The following TNFRSF9 variants were observed in gnomAD, a reference collection of about 807,000 sequenced individuals.
TNFRSF9 encodes TNF receptor superfamily member 9.
Under a neutral mutation model 28.8 loss-of-function variants are expected in TNFRSF9, and 16 were observed. That is an observed-to-expected ratio of 0.55 (90% CI 0.38 to 0.84). TNFRSF9 has a LOEUF of 0.84. Ranked by LOEUF, TNFRSF9 falls within the 40% of genes least tolerant of loss-of-function variation. The pLI, the probability that TNFRSF9 is intolerant of heterozygous loss-of-function variation, is 0.00. For synonymous variants in TNFRSF9, 131 were observed against 117.0 expected, an observed-to-expected ratio of 1.12 and a Z score of -0.77; for missense variants, 303 against 315.0, an observed-to-expected ratio of 0.96 and a Z score of 0.29.
At position 7,938,892 on chromosome 1, in the gene TNFRSF9, G is replaced by A. The variant is rs190727249; in HGVS notation, c.101-64C>T. ...GGGCAATCGTCACCCAAGGCATTCC[G>A]AAGTTTACAATAAAATAAGATTATA... On this transcript the variant is annotated intron_variant, in intron 2 of 7. Coordinates refer to ENST00000377507, the MANE Select transcript of TNFRSF9 (RefSeq NM_001561.6). 2.2e-5 allele frequency: 26 copies of A among 1,158,942 alleles called. No individual in the cohort carries two copies. In the East Asian group the frequency reaches 2.9e-4, roughly 13 times the overall value. 71.8% of individuals were successfully genotyped at this position (1,158,942 alleles called of 1,614,324 possible).
intron 6 of TNFRSF9, among the ~76,000 whole-genome samples, 192 bp downstream of exon 6, chr1:7,934,821 G>A (rs935362684): frequency 5.3e-5 from 8 of 152,196 alleles, no homozygotes; most frequent in African/African-American, 1.2e-4. Flanking sequence ...CTCTGGCACC[G>A]CTTACAAATG....
At chr1:7,936,618 C>A (rs755834410) in intron 5 of TNFRSF9, 3 of 152,168 alleles carry the variant, frequency 2.0e-5, no homozygotes, top group Non-Finnish European at 4.4e-5. Flanking sequence ...TGTTTCAAAA[C>A]ACTTTATTTT....
Position 7,938,758 on chromosome 1 carries a change from A to T in TNFRSF9, c.171T>A (p.Gly57=), listed in dbSNP as rs990004304. Reference sequence around the variant, plus strand: ...TGCATATGTCACAGGTCCTTTGTCCACCTGCGCTGGAGAAACTATTTGGAG... The same window carrying T: ...TGCATATGTCACAGGTCCTTTGTCCTCCTGCGCTGGAGAAACTATTTGGAG... The part of the protein sequence containing the change: ...PCPPNSFSSA[G]GQRTCDICRQ... Residue 57 remains glycine, a synonymous_variant, in exon 3 of 8, where the codon GGT becomes GGA. Coordinates refer to ENST00000377507, the MANE Select transcript of TNFRSF9 (RefSeq NM_001561.6). The T allele has an allele frequency of 6.2e-7, 1 of 1,613,702 alleles. No individual in the cohort carries two copies. Among genetic ancestry groups the T allele is most frequent in the East Asian group, 2.2e-5 (1 of 44,872 alleles).
At chr1:7,924,327 AT>A (rs1178967920) in intron 7 of TNFRSF9, among the ~76,000 whole-genome samples, 4 of 114,930 alleles carry the variant, frequency 3.5e-5, no homozygotes, top group African/African-American at 7.1e-5. Context: ...ATATATATAT[AT>A]ATATATAACC....
intron 3 of TNFRSF9, 43 bp downstream of exon 3, chr1:7,938,677 TC>T (rs1639856865): frequency 6.8e-7 from 1 of 1,474,500 alleles, no homozygotes; most frequent in African/African-American, 1.4e-5. Context: ...AAGCTTATCT[TC>T]CCAACTATCT....
chr1:7,940,519 A>G (rs1363436487), intron 1 of TNFRSF9, among the ~76,000 whole-genome samples: 1 of 152,174 alleles, frequency 6.6e-6, no homozygotes, highest in Admixed American at 6.5e-5. Flanking sequence ...TGAACACCTA[A>G]CTACTAACAT....
At position 7,937,711 on chromosome 1, in the gene TNFRSF9, C is replaced by T; in HGVS notation, c.392G>A (p.Gly131Asp). 6.2e-7 allele frequency: 1 copy of T among 1,613,686 alleles called. No homozygotes were observed. The change falls in exon 5 of 8, where the codon GGC becomes GAC. Residue 131 changes from glycine (G) to aspartate (D), a missense_variant. Transcript: ENST00000377507. The stretch of plus-strand genomic sequence containing the variant: ...GTACTTTGTCCAGGGTCGACAGATG[C>T]CACGTTTCTGATCGTTAAATGTCCC... ...CFGTFNDQKR[G>D]ICRPWTNCSL...
At position 7,920,705 on chromosome 1, in the gene TNFRSF9, G is replaced by T. The variant is rs1639543923; in HGVS notation, c.*130C>A. On this transcript the variant is annotated 3_prime_UTR_variant, in exon 8 of 8. Transcript: ENST00000377507. Reference sequence around the variant, plus strand: ...GGCCAACTCATTGGCATTTAGAAAAGAACGTGTGTTGGGGGAATCCTGGGT... The same window carrying T: ...GGCCAACTCATTGGCATTTAGAAAATAACGTGTGTTGGGGGAATCCTGGGT... 7.0e-6 allele frequency: 5 copies of T among 717,286 alleles called. No individual in the cohort carries two copies. The highest frequency in any genetic ancestry group is 3.6e-5 in the South Asian group (2 of 56,132). The allele number at this position is 717,286 out of a possible 1,614,324, so 44.4% of individuals were successfully genotyped here. A position where few individuals can be genotyped will look rare whatever the true frequency, so the allele number is the denominator to read the frequency against.
In TNFRSF9 at chr1:7,916,463, C is replaced by T. The variant is rs1343997582; in HGVS notation, c.*4372G>A. On this transcript the variant is annotated 3_prime_UTR_variant, in exon 8 of 8. Coordinates refer to ENST00000377507, the MANE Select transcript of TNFRSF9 (RefSeq NM_001561.6). ...CTGTATCATAAACATAGCCTCCTTT[C>T]TTCACAGAATAAACTGTGGATTTTC... 1 of 152,218 alleles carries T rather than the reference C, an allele frequency of 6.6e-6. No homozygotes were observed. Among genetic ancestry groups the T allele is most frequent in the Non-Finnish European group, 1.5e-5 (1 of 68,046 alleles). The allele number at this position is 152,218 out of a possible 1,614,324, so 9.4% of individuals were successfully genotyped here.
At chr1:7,922,049 C>G (rs1015777499) in intron 7 of TNFRSF9, 2 of 152,156 alleles carry the variant, frequency 1.3e-5, no homozygotes, top group Non-Finnish European at 2.9e-5. Flanking sequence ...CCGATCTGTG[C>G]GTGAGCTGCC....
intron 7 of TNFRSF9, among the ~76,000 whole-genome samples, chr1:7,931,048 A>G (rs1299531311): frequency 6.6e-6 from 1 of 152,230 alleles, no homozygotes; most frequent in East Asian, 1.9e-4. Context: ...ACTAGCAACC[A>G]GGAAGTGTAA....
Position 7,933,158 on chromosome 1 carries a change from T to A in TNFRSF9, c.679+4A>T, listed in dbSNP as rs1163034174. ...GAGCTGTAATATGATTATGTTAATC[T>A]TACGTTGTTTGAATATATACAGGAG... On this transcript the variant is annotated splice_donor_region_variant and intron_variant, in intron 7 of 7. Coordinates refer to ENST00000377507, the MANE Select transcript of TNFRSF9 (RefSeq NM_001561.6). 6.2e-7 allele frequency: 1 copy of A among 1,606,656 alleles called. No individual in the cohort carries two copies. Among genetic ancestry groups the A allele is most frequent in the African/African-American group, 1.3e-5 (1 of 74,568 alleles).
At chr1:7,925,370 GA>G (rs1181497368) in intron 7 of TNFRSF9, among the ~76,000 whole-genome samples, 1 of 152,172 alleles carries the variant, frequency 6.6e-6, no homozygotes, top group East Asian at 1.9e-4. Flanking sequence ...TATTATTGAA[GA>G]AAGAGAACAT....
intron 7 of TNFRSF9, among the ~76,000 whole-genome samples, chr1:7,932,062 G>A (rs369110644): frequency 6.6e-6 from 1 of 152,272 alleles, no homozygotes; most frequent in African/African-American, 2.4e-5. Context: ...GCTTGAACCC[G>A]GAAGGAGGAG....
rs181045872 is a variant in TNFRSF9, at chr1:7,937,559, G to A, written c.413+131C>T. On this transcript the variant is annotated intron_variant, in intron 5 of 7. Coordinates refer to ENST00000377507, the MANE Select transcript of TNFRSF9 (RefSeq NM_001561.6). ...TGCTACGACCTCACAGTGTTCCCAC[G>A]CTGCCTATTAGTATGTTACATTCTG... 93 of 649,158 alleles carry A rather than the reference G, an allele frequency of 1.4e-4. No individual in the cohort carries two copies. In the East Asian group the frequency reaches 1.9e-3, roughly 13 times the overall value. The allele number at this position is 649,158 out of a possible 1,614,324, so 40.2% of individuals were successfully genotyped here. A position where few individuals can be genotyped will look rare whatever the true frequency, so the allele number is the denominator to read the frequency against.
At position 7,918,635 on chromosome 1, in the gene TNFRSF9, G is replaced by A. The variant is rs1043149352; in HGVS notation, c.*2200C>T. On this transcript the variant is annotated 3_prime_UTR_variant, in exon 8 of 8. Transcript: ENST00000377507. ...GCCCACCTTGGCCTCCCAAAGAGCT[G>A]GGACTACAGGCATGAGCCACTGCAC... 6.6e-6 allele frequency: 1 copy of A among 152,186 alleles called. No homozygotes were observed. The highest frequency in any genetic ancestry group is 2.4e-5 in the African/African-American group (1 of 41,438). The allele number at this position is 152,186 out of a possible 1,614,324, so 9.4% of individuals were successfully genotyped here.
Position 7,940,033 on chromosome 1 carries a change from T to C in TNFRSF9, c.-39A>G, listed in dbSNP as rs1639879769. 1.4e-6 allele frequency: 2 copies of C among 1,428,718 alleles called. No homozygotes were observed. Among genetic ancestry groups the C allele is most frequent in the East Asian group, 4.6e-5 (2 of 43,156 alleles). The allele number at this position is 1,428,718 out of a possible 1,614,324, so 88.5% of individuals were successfully genotyped here. A position where few individuals can be genotyped will look rare whatever the true frequency, so the allele number is the denominator to read the frequency against. On this transcript the variant is annotated 5_prime_UTR_variant, in exon 2 of 8. Coordinates refer to ENST00000377507, the MANE Select transcript of TNFRSF9 (RefSeq NM_001561.6). ...ACAGGTATGATACTAGCAAAGCTGA[T>C]TCCAAGAGAATTTTAATCAAATTAG...
At chr1:7,925,740 C>G (rs226482) in intron 7 of TNFRSF9, among the ~76,000 whole-genome samples, 15,364 of 152,094 alleles carry the variant, frequency 0.1, 1,834 homozygotes, top group East Asian at 0.51. Context: ...CGTGCAACCT[C>G]GATCCCTCGT....
At chr1:7,928,354 C>A (rs2151414904) in intron 7 of TNFRSF9, among the ~76,000 whole-genome samples, 1 of 152,246 alleles carries the variant, frequency 6.6e-6, no homozygotes, top group Middle Eastern at 3.4e-3. Context: ...TTCCTCGCAG[C>A]TTTATATGTA....
Sources: gnomAD v4.1 joint callset for allele counts (sites outside exome capture counted in the v4.1 genomes callset) on GRCh38, gnomAD v4.1.1 for gene constraint, MANE v1.5 for transcripts, NCBI Gene and HGNC (gene_info 2026-07-23, HGNC 2026-07-21) for gene names.